The following HCN1 variants were observed in gnomAD, a reference collection of about 807,000 sequenced individuals.
HCN1 encodes the protein hyperpolarization activated cyclic nucleotide gated potassium channel 1, also known as potassium/sodium hyperpolarization-activated cyclic nucleotide-gated channel 1.
In HCN1, 13 loss-of-function variants were observed where a neutral mutation model predicts 78.9. The observed-to-expected ratio is 0.16, with a 90% CI of 0.11 to 0.26. The LOEUF (loss-of-function observed/expected upper bound fraction) is 0.26. Ranked by LOEUF, HCN1 falls within the 10% of genes least tolerant of loss-of-function variation. The pLI is 1.00. For synonymous variants in HCN1, 552 were observed against 455.5 expected (o/e 1.21, Z -2.70); for missense variants, 810 against 1,154.3 (o/e 0.70, Z 4.32).
chr5:45,560,896 C>T (rs1295428648), intron 2 of HCN1, among the ~76,000 whole-genome samples: 1 of 152,022 alleles, frequency 6.6e-6, no homozygotes, highest in African/African-American at 2.4e-5. Flanking sequence ...TTCTCTATAG[C>T]GTGGAAGTTT....
At chr5:45,323,624 T>A (rs1057325871) in intron 5 of HCN1, among the ~76,000 whole-genome samples, 1 of 152,062 alleles carries the variant, frequency 6.6e-6, no homozygotes, top group East Asian at 1.9e-4. Context: ...TGCAGGTTTG[T>A]TACTTATGTA....
At chr5:45,465,184 G>T (rs1741242540) in intron 2 of HCN1, among the ~76,000 whole-genome samples, 2 of 152,112 alleles carry the variant, frequency 1.3e-5, no homozygotes, top group African/African-American at 2.4e-5. Flanking sequence ...AGTTGAAGGG[G>T]TTTAATAATA....
chr5:45,348,105 C>T (rs1746790024), intron 5 of HCN1, among the ~76,000 whole-genome samples: 1 of 152,106 alleles, frequency 6.6e-6, no homozygotes, highest in African/African-American at 2.4e-5. Context: ...ATGTTCAGGG[C>T]AGCCAGAGAG....
At chr5:45,323,371 T>A (rs911555900) in intron 5 of HCN1, among the ~76,000 whole-genome samples, 6 of 151,894 alleles carry the variant, frequency 4.0e-5, no homozygotes, top group Non-Finnish European at 7.4e-5. Flanking sequence ...GTATAACTAC[T>A]AGACAATTTA....
chr5:45,613,408 A>T (rs1474981839), intron 2 of HCN1, among the ~76,000 whole-genome samples: 1 of 152,122 alleles, frequency 6.6e-6, no homozygotes, highest in Non-Finnish European at 1.5e-5. Context: ...TCAAAACCAC[A>T]ATGAGATACC....
At chr5:45,368,826 G>C (rs2112001473) in intron 4 of HCN1, among the ~76,000 whole-genome samples, 1 of 152,026 alleles carries the variant, frequency 6.6e-6, no homozygotes, top group South Asian at 2.1e-4. Context: ...AATTTTATTA[G>C]ATGTACTATT....
chr5:45,291,631 A>G (rs1745378362), intron 6 of HCN1, among the ~76,000 whole-genome samples: 1 of 151,896 alleles, frequency 6.6e-6, no homozygotes, highest in African/African-American at 2.4e-5. Flanking sequence ...TGCAACCTCC[A>G]TCTCCTCAAG....
intron 3 of HCN1, among the ~76,000 whole-genome samples, chr5:45,444,253 C>T (rs369108637): frequency 4.6e-5 from 7 of 152,196 alleles, no homozygotes; most frequent in African/African-American, 1.7e-4. Context: ...TAATCTGTCA[C>T]AGTCTTTATT....
intron 4 of HCN1, among the ~76,000 whole-genome samples, chr5:45,364,866 A>T (rs1245301878): frequency 6.6e-6 from 1 of 152,098 alleles, no homozygotes; most frequent in African/African-American, 2.4e-5. Flanking sequence ...TAATGCTGGT[A>T]GTAAGAGAAT....
intron 2 of HCN1, among the ~76,000 whole-genome samples, chr5:45,603,690 G>A (rs1210133691): frequency 2.0e-5 from 3 of 151,966 alleles, no homozygotes; most frequent in Non-Finnish European, 2.9e-5. Flanking sequence ...CATTAAAACA[G>A]TAATCAATTG....
intron 2 of HCN1, among the ~76,000 whole-genome samples, chr5:45,509,201 G>A (rs576418382): frequency 1.3e-5 from 2 of 152,220 alleles, no homozygotes; most frequent in East Asian, 1.9e-4. Context: ...AACTAGGAGT[G>A]CACCTCATAG....
At chr5:45,637,771 A>C (rs1185221123) in intron 2 of HCN1, among the ~76,000 whole-genome samples, 2 of 152,162 alleles carry the variant, frequency 1.3e-5, no homozygotes, top group Non-Finnish European at 2.9e-5. Context: ...AAAGAGGTTC[A>C]ACATAGTTAA....
At chr5:45,337,968 T>C (rs1746498330) in intron 5 of HCN1, among the ~76,000 whole-genome samples, 1 of 152,180 alleles carries the variant, frequency 6.6e-6, no homozygotes, top group Non-Finnish European at 1.5e-5. Context: ...GTAGTGTTTT[T>C]GAAATATCAG....
intron 6 of HCN1, among the ~76,000 whole-genome samples, chr5:45,288,419 C>T (rs931364951): frequency 6.6e-6 from 1 of 151,970 alleles, no homozygotes; most frequent in African/African-American, 2.4e-5. Context: ...AAAGAATACA[C>T]CCTTCAAGAG....
At chr5:45,622,968 C>G (rs761443123) in intron 2 of HCN1, among the ~76,000 whole-genome samples, 2 of 152,072 alleles carry the variant, frequency 1.3e-5, no homozygotes, top group African/African-American at 2.4e-5. Context: ...GAACTAGTGT[C>G]TTGTCCTTTT....
intron 3 of HCN1, among the ~76,000 whole-genome samples, chr5:45,433,808 T>G (rs1740511328): frequency 1.3e-5 from 2 of 152,206 alleles, no homozygotes; most frequent in African/African-American, 4.8e-5. Context: ...AAAAATGCCT[T>G]TCCTTTCTAC....
At chr5:45,586,899 T>C (rs952568612) in intron 2 of HCN1, among the ~76,000 whole-genome samples, 1 of 152,210 alleles carries the variant, frequency 6.6e-6, no homozygotes, top group African/African-American at 2.4e-5. Context: ...GTTTTAAAAA[T>C]CAATTCCAGA....
At chr5:45,300,706 T>A (rs1745596230) in intron 6 of HCN1, among the ~76,000 whole-genome samples, 1 of 152,114 alleles carries the variant, frequency 6.6e-6, no homozygotes, top group African/African-American at 2.4e-5. Flanking sequence ...TTGGTACCCC[T>A]AATCTCCACA....
At chr5:45,518,214 T>A (rs1435146077) in intron 2 of HCN1, among the ~76,000 whole-genome samples, 4 of 152,090 alleles carry the variant, frequency 2.6e-5, no homozygotes, top group African/African-American at 9.7e-5. Flanking sequence ...GTACAACATT[T>A]GGCACATCAA....
Sources: gnomAD v4.1 joint callset for allele counts (sites outside exome capture counted in the v4.1 genomes callset) on GRCh38, gnomAD v4.1.1 for gene constraint, MANE v1.5 for transcripts, NCBI Gene and HGNC (gene_info 2026-07-23, HGNC 2026-07-21) for gene names.